Variants in RNGTT observed in about 807,000 individuals in gnomAD.
The protein encoded by RNGTT is RNA guanylyltransferase and 5'-phosphatase.
Under a neutral mutation model 79.3 loss-of-function variants are expected in RNGTT, and 33 were observed. The observed-to-expected ratio is 0.42, with a 90% confidence interval of 0.32 to 0.56. The LOEUF (loss-of-function observed/expected upper bound fraction) is 0.56, where lower values mean the gene tolerates loss of function less well. Among genes scored for constraint, RNGTT ranks in the 20% least tolerant of loss-of-function variants. The probability of loss-of-function intolerance (pLI) is 0.17; values close to 1 mark genes in which losing one functional copy is unlikely to be tolerated. For missense variants in RNGTT, 497 were observed against 739.1 expected (o/e 0.67, Z 3.80); for synonymous variants, 222 against 235.9 (o/e 0.94, Z 0.54).
At chr6:88,637,924 C>A (rs1008098677) in intron 14 of RNGTT, among the ~76,000 whole-genome samples, 5 of 152,074 alleles carry the variant, frequency 3.3e-5, no homozygotes, top group Non-Finnish European at 7.4e-5. Flanking sequence ...CCATTATGGA[C>A]AAAAAGCCAA....
chr6:88,635,133 G>A (rs971313912), intron 14 of RNGTT, among the ~76,000 whole-genome samples: 2 of 152,052 alleles, frequency 1.3e-5, no homozygotes, highest in Non-Finnish European at 1.5e-5. Flanking sequence ...AAATAACAGG[G>A]CAAAAATAAA....
intron 8 of RNGTT, among the ~76,000 whole-genome samples, chr6:88,887,215 A>C (rs1342076465): frequency 6.6e-6 from 1 of 152,182 alleles, no homozygotes; most frequent in African/African-American, 2.4e-5. Context: ...TATTGTTACG[A>C]GATATAATAA....
intron 13 of RNGTT, among the ~76,000 whole-genome samples, chr6:88,723,530 C>A (rs922921365): frequency 1.3e-5 from 2 of 152,110 alleles, no homozygotes; most frequent in Non-Finnish European, 1.5e-5. Context: ...CTACAGTTGT[C>A]CTGATAAATT....
At chr6:88,690,484 A>G (rs553305650) in intron 13 of RNGTT, among the ~76,000 whole-genome samples, 5 of 151,986 alleles carry the variant, frequency 3.3e-5, no homozygotes, top group Non-Finnish European at 7.4e-5. Context: ...AGGTGGGAGG[A>G]TCACTTGAAG....
intron 6 of RNGTT, among the ~76,000 whole-genome samples, chr6:88,897,903 T>C (rs969908791): frequency 6.6e-6 from 1 of 152,150 alleles, no homozygotes; most frequent in African/African-American, 2.4e-5. Context: ...TGAGCTTCCA[T>C]GGACAGAAAC....
At chr6:88,707,993 C>T (rs756313754) in intron 13 of RNGTT, among the ~76,000 whole-genome samples, 13 of 151,826 alleles carry the variant, frequency 8.6e-5, no homozygotes, top group Non-Finnish European at 1.5e-4. Flanking sequence ...GAAGCACTAG[C>T]GCACTCAGTT....
At chr6:88,718,356 C>T (rs183435636) in intron 13 of RNGTT, among the ~76,000 whole-genome samples, 70 of 149,018 alleles carry the variant, frequency 4.7e-4, no homozygotes, top group Non-Finnish European at 8.9e-4. Flanking sequence ...CACTGCACTC[C>T]GGCCTAGGCA....
intron 4 of RNGTT, among the ~76,000 whole-genome samples, chr6:88,916,663 C>G (rs928025987): frequency 2.6e-5 from 4 of 152,096 alleles, no homozygotes; most frequent in Non-Finnish European, 2.9e-5. Flanking sequence ...TGAACTTTAT[C>G]AAAAACCCAG....
At chr6:88,775,594 G>T (rs1778850056) in intron 12 of RNGTT, among the ~76,000 whole-genome samples, 1 of 152,134 alleles carries the variant, frequency 6.6e-6, no homozygotes, top group Admixed American at 6.6e-5. Flanking sequence ...ATTTATATCT[G>T]TTTCAATTAT....
chr6:88,788,596 T>C (rs1240754400), intron 12 of RNGTT, among the ~76,000 whole-genome samples: 2 of 152,182 alleles, frequency 1.3e-5, no homozygotes, highest in African/African-American at 4.8e-5. Context: ...AAGCACAATA[T>C]ATAAAAGTAA....
intron 1 of RNGTT, among the ~76,000 whole-genome samples, chr6:88,959,699 A>T (rs1323114928): frequency 6.6e-6 from 1 of 152,206 alleles, no homozygotes; most frequent in Non-Finnish European, 1.5e-5. Context: ...TTAAACACAG[A>T]AAAGTCAAAG....
At chr6:88,663,648 C>T (rs924803411) in intron 14 of RNGTT, among the ~76,000 whole-genome samples, 3 of 152,306 alleles carry the variant, frequency 2.0e-5, no homozygotes, top group Middle Eastern at 3.4e-3. Flanking sequence ...CTCCCCACAT[C>T]GAAGCCCACA....
In RNGTT at chr6:88,891,789, T is replaced by C. The variant is rs1436464778; in HGVS notation, c.794+17A>G. On this transcript the variant is annotated intron_variant, in intron 7 of 15. Coordinates refer to ENST00000369485, the MANE Select transcript of RNGTT (RefSeq NM_003800.5). ...ATAAGAGCAAATTTTATTTAAAAAT[T>C]TAAAAATATTTATTACCCTTCCCAG... is the stretch of plus-strand genomic sequence containing the variant. The C allele has an allele frequency of 1.4e-6, 2 of 1,470,638 alleles. No individual in the cohort carries two copies. Among genetic ancestry groups the C allele is most frequent in the Admixed American group, 2.3e-5 (1 of 42,582 alleles). 91.1% of individuals were successfully genotyped at this position (1,470,638 alleles called of 1,614,324 possible).
chr6:88,925,961 C>A (rs1034275069), intron 4 of RNGTT, among the ~76,000 whole-genome samples: 1 of 152,140 alleles, frequency 6.6e-6, no homozygotes, highest in Non-Finnish European at 1.5e-5. Flanking sequence ...CTAAAACATA[C>A]ATTTCTAACA....
At chr6:88,801,822 GACAC>G (rs56124919) in intron 11 of RNGTT, among the ~76,000 whole-genome samples, 190 bp from the exon 12 acceptor site, 2,510 of 123,156 alleles carry the variant, frequency 0.02, 65 homozygotes, top group Admixed American at 0.081. Context: ...CACACACACA[GACAC>G]ACACACACAC....
intron 14 of RNGTT, among the ~76,000 whole-genome samples, chr6:88,630,848 A>G (rs909343649): frequency 1.3e-5 from 2 of 152,212 alleles, no homozygotes; most frequent in Admixed American, 1.3e-4. Flanking sequence ...TCAAAACCCA[A>G]CAATGAGAAC....
intron 12 of RNGTT, among the ~76,000 whole-genome samples, chr6:88,771,065 TA>T (rs1246451388): frequency 1.3e-5 from 2 of 151,934 alleles, no homozygotes; most frequent in Non-Finnish European, 2.9e-5. Context: ...TTTCATTTTC[TA>T]AATAATTTCT....
intron 14 of RNGTT, among the ~76,000 whole-genome samples, chr6:88,643,519 A>G (rs1054864051): frequency 2.6e-5 from 4 of 152,170 alleles, no homozygotes; most frequent in Admixed American, 2.6e-4. Context: ...ACATCTACAT[A>G]ACTCTCCACC....
chr6:88,812,268 T>C (rs1268678145), intron 11 of RNGTT, among the ~76,000 whole-genome samples: 3 of 152,218 alleles, frequency 2.0e-5, no homozygotes, highest in Non-Finnish European at 4.4e-5. Flanking sequence ...ATAATAATTC[T>C]GGTGAATCCT....
Sources: allele counts gnomAD v4.1 joint callset (sites outside exome capture counted in the v4.1 genomes callset), GRCh38; gene constraint gnomAD v4.1.1; transcripts MANE v1.5; gene names NCBI Gene and HGNC (gene_info 2026-07-23, HGNC 2026-07-21).